Variants in CCDC74A observed in about 807,000 individuals in gnomAD.
CCDC74A encodes the protein coiled-coil domain containing 74A, also known as coiled-coil domain-containing protein 74A.
CCDC74A carries 38 observed loss-of-function variants against 37.6 expected under a neutral mutation model. The ratio of observed to expected loss-of-function variants is 1.01; its 90% CI spans 0.78 to 1.33. The LOEUF (loss-of-function observed/expected upper bound fraction) is 1.33, where lower values mean the gene tolerates loss of function less well. Ranked by LOEUF, CCDC74A falls within the 40% of genes most tolerant of loss-of-function variation. CCDC74A has a pLI of 0.00. For missense variants in CCDC74A, 340 were observed against 403.4 expected (o/e 0.84, Z 1.35); for synonymous variants, 134 against 165.2 (o/e 0.81, Z 1.45).
rs1274410838 is a variant in CCDC74A at position 131,533,360 on chromosome 2, G to C, written c.901G>C (p.Ala301Pro). 10 of 1,613,542 alleles carry C rather than the reference G, an allele frequency of 6.2e-6. No individual in the cohort carries two copies. The highest frequency in any genetic ancestry group is 8.5e-6 in the Non-Finnish European group (10 of 1,179,984). ...TGCCGAGAGGCAGAAGAGGCTGCAGGCAATGCAGAAACGGCGCCTGCATCG... is the reference window on the plus strand; with the variant it reads ...TGCCGAGAGGCAGAAGAGGCTGCAGCCAATGCAGAAACGGCGCCTGCATCG... Reference protein sequence around the residue: ...NFAERQKRLQAMQKRRLHRSV... With the variant: ...NFAERQKRLQPMQKRRLHRSV... Residue 301 changes from alanine to proline, a missense_variant, in exon 8 of 8, where the codon GCA (alanine) becomes CCA (proline). Around this residue, in one of 3 missense-constraint regions of CCDC74A, gnomAD observed 185 missense variants for 231.5 expected, o/e 0.80. Transcript: ENST00000409856.
chr2:131,528,273 A>G (rs779028902), intron 1 of CCDC74A, 53 bp downstream of exon 1: 10 of 1,596,508 alleles, frequency 6.3e-6, no homozygotes, highest in African/African-American at 1.3e-5. Flanking sequence ...CACACTCAAC[A>G]CTGCCGCTCC....
chr2:131,533,287 G>T lies in CCDC74A; in HGVS notation c.828G>T (p.Ala276=), dbSNP rs562918367. The change falls in exon 8 of 8, where the codon GCG becomes GCT. Residue 276 remains alanine, a synonymous_variant. Coordinates refer to ENST00000409856, the MANE Select transcript of CCDC74A (RefSeq NM_001258306.3). Reference sequence around the variant, plus strand: ...GCCCCAGCCTGAGCCCACCTGTGGCGGAGCGTGCCATCCTGCCCGCACTGA... The same window carrying T: ...GCCCCAGCCTGAGCCCACCTGTGGCTGAGCGTGCCATCCTGCCCGCACTGA... ...LSKKCLSPPV[A]ERAILPALKQ... is the part of the protein sequence containing the mutation. The T allele has an allele frequency of 9.3e-6, 15 of 1,612,978 alleles. No individual in the cohort carries two copies. Among genetic ancestry groups the T allele is most frequent in the Non-Finnish European group, 1.3e-5 (15 of 1,179,908 alleles).
rs1016021698 is a variant in CCDC74A, at chr2:131,527,923, A to T, written c.-48A>T. 1 of 1,408,428 alleles carries T rather than the reference A, an allele frequency of 7.1e-7. No individual in the cohort carries two copies. Among genetic ancestry groups the T allele is most frequent in the Non-Finnish European group, 9.3e-7 (1 of 1,079,052 alleles). The allele number at this position is 1,408,428 out of a possible 1,614,324, so 87.2% of individuals were successfully genotyped here. On this transcript the variant is annotated 5_prime_UTR_variant, in exon 1 of 8. Coordinates refer to ENST00000409856, the MANE Select transcript of CCDC74A (RefSeq NM_001258306.3). ...GGCGCCAGGCTAGGGCGGCCTGGCC[A>T]CTGAGCCGGGGTGCAGTGGCAGCGG...
upstream of CCDC74A, among the ~76,000 whole-genome samples, chr2:131,524,013 ACTTTC>A (rs1680215508): frequency 2.0e-5 from 3 of 152,038 alleles, no homozygotes; most frequent in Non-Finnish European, 4.4e-5. Flanking sequence ...TTCCAAGCAT[ACTTTC>A]CTTTCTTTCC....
At chr2:131,533,139 G>A (rs1296745616) in intron 7 of CCDC74A, 70 bp downstream of exon 7, 1 of 1,611,570 alleles carries the variant, frequency 6.2e-7, no homozygotes, top group African/African-American at 1.3e-5. Context: ...AGTGGGGAAG[G>A]GAGGGTGGCA....
At chr2:131,529,450 G>T (rs907125483) in intron 1 of CCDC74A, 197 bp from the exon 2 acceptor site, 7 of 749,068 alleles carry the variant, frequency 9.3e-6, no homozygotes, top group African/African-American at 1.7e-5. Flanking sequence ...TCTGCCTAGG[G>T]AACAGGCAGG....
At chr2:131,530,313 G>GAC (rs774229975) in intron 2 of CCDC74A, 116 of 1,543,138 alleles carry the variant, frequency 7.5e-5, no homozygotes, top group Non-Finnish European at 9.9e-5. Flanking sequence ...GAGGACATCT[G>GAC]ACTGGTGGAT....
chr2:131,527,722 T>C (rs963191806), upstream of CCDC74A: 8 of 534,970 alleles, frequency 1.5e-5, no homozygotes, highest in East Asian at 2.4e-4. Context: ...CACGAACTCC[T>C]GACCTCAAAT....
intron 1 of CCDC74A, chr2:131,529,288 C>A: frequency 2.1e-6 from 1 of 466,502 alleles, no homozygotes; most frequent in Non-Finnish European, 4.0e-6. Flanking sequence ...CTTGAGCCTC[C>A]CCCGCAGTCC....
At position 131,528,230 on chromosome 2, in the gene CCDC74A, C is replaced by T. The variant is rs1163928769; in HGVS notation, c.250+10C>T. ...AAGCGGGAAAACAAGGGTGAGCCGG[C>T]GCGGGGCCCTAGGCCGGCCCTGCCT... On this transcript the variant is annotated intron_variant, in intron 1 of 7. Coordinates refer to ENST00000409856, the MANE Select transcript of CCDC74A (RefSeq NM_001258306.3). 2 of 1,610,928 alleles carry T rather than the reference C, an allele frequency of 1.2e-6. No individual in the cohort carries two copies. The highest frequency in any genetic ancestry group is 2.2e-5 in the East Asian group (1 of 44,762).
chr2:131,530,970 C>T (rs532241563), intron 3 of CCDC74A, 143 bp downstream of exon 3: 4 of 1,428,222 alleles, frequency 2.8e-6, no homozygotes, highest in East Asian at 2.5e-5. Context: ...CTGAAAAGAG[C>T]CCTGCAAGCT....
chr2:131,528,128 T>C lies in CCDC74A; in HGVS notation c.158T>C (p.Leu53Pro). 6 of 1,613,862 alleles carry C rather than the reference T, an allele frequency of 3.7e-6. No individual in the cohort carries two copies. Among genetic ancestry groups the C allele is most frequent in the Non-Finnish European group, 5.1e-6 (6 of 1,179,822 alleles). ...QSDPQKRNLD[L>P]EKSLQFLQQQ... Reference sequence around the variant, plus strand: ...GACCCGCAGAAACGGAACCTGGACCTGGAGAAAAGCCTGCAGTTCCTGCAG... The same window carrying C: ...GACCCGCAGAAACGGAACCTGGACCCGGAGAAAAGCCTGCAGTTCCTGCAG... The change falls in exon 1 of 8, where the codon CTG becomes CCG. Residue 53 changes from leucine to proline, a missense_variant. Physicochemically the swap from Leu to Pro is moderately conservative, Grantham distance 98. Coordinates refer to ENST00000409856, the MANE Select transcript of CCDC74A (RefSeq NM_001258306.3).
chr2:131,528,330 A>G, intron 1 of CCDC74A, 110 bp downstream of exon 1: 12 of 1,548,052 alleles, frequency 7.8e-6, no homozygotes, highest in Non-Finnish European at 1.0e-5. Flanking sequence ...GCCTGGGCTC[A>G]GGGGGAACAC....
In CCDC74A at chr2:131,528,069, C is replaced by G. The variant is rs758040960; in HGVS notation, c.99C>G (p.Ser33=). The G allele has an allele frequency of 5.0e-6, 8 of 1,606,524 alleles. No individual in the cohort carries two copies. Among genetic ancestry groups the G allele is most frequent in the African/African-American group, 1.3e-5 (1 of 74,766 alleles). ...RRQRPSVGVQ[S]LRPQSPQLRQ... ...AGCGCCCCTCTGTGGGCGTCCAGTC[C>G]TTGAGGCCGCAGAGCCCGCAGCTCA... Residue 33 remains serine, a synonymous_variant, in exon 1 of 8, where the codon TCC becomes TCG. Coordinates refer to ENST00000409856, the MANE Select transcript of CCDC74A (RefSeq NM_001258306.3).
intron 6 of CCDC74A, 25 bp downstream of exon 6, chr2:131,532,962 C>T: frequency 6.2e-7 from 1 of 1,613,940 alleles, no homozygotes; most frequent in African/African-American, 1.3e-5. Flanking sequence ...CACCCCTGCC[C>T]CATCCCTGGG....
At chr2:131,532,409 A>C (rs1681503912) in intron 4 of CCDC74A, among the ~76,000 whole-genome samples, 180 bp from the exon 5 acceptor site, 1 of 150,186 alleles carries the variant, frequency 6.7e-6, no homozygotes, top group African/African-American at 2.4e-5. Context: ...AGAGGGGAGA[A>C]AGGGACAGGC....
At chr2:131,523,834 A>G (rs1001467411), upstream of CCDC74A, among the ~76,000 whole-genome samples, 8 of 151,930 alleles carry the variant, frequency 5.3e-5, no homozygotes, top group Non-Finnish European at 8.8e-5. Flanking sequence ...GCATGCATAC[A>G]GTTTCCTAAA....
intron 2 of CCDC74A, chr2:131,530,362 A>G (rs1042677034): frequency 2.6e-6 from 4 of 1,547,054 alleles, no homozygotes; most frequent in African/African-American, 1.4e-5. Flanking sequence ...GGCAGTGCCT[A>G]GGGCTCTCCC....
chr2:131,529,155 C>T (rs1344135275), intron 1 of CCDC74A: 6 of 231,390 alleles, frequency 2.6e-5, no homozygotes, highest in Non-Finnish European at 5.2e-5. Context: ...CCTCCTCTCC[C>T]GCCCCGTTCC....
Sources: allele counts gnomAD v4.1 joint callset (sites outside exome capture counted in the v4.1 genomes callset), GRCh38; gene constraint gnomAD v4.1.1; regional missense constraint gnomAD v4.1.1; transcripts MANE v1.5; gene names NCBI Gene and HGNC (gene_info 2026-07-23, HGNC 2026-07-21).